The following PBX3 variants were observed in gnomAD, a reference collection of about 807,000 sequenced individuals.
The protein encoded by PBX3 is pre-B-cell leukemia transcription factor 3.
In PBX3, 14 loss-of-function variants were observed where a neutral mutation model predicts 48.5. The observed-to-expected ratio is 0.29, with a 90% CI of 0.19 to 0.45. The LOEUF is 0.45. PBX3 is among the 20% of genes least tolerant of loss of function. The probability of loss-of-function intolerance (pLI) is 1.00; values close to 1 mark genes in which losing one functional copy is unlikely to be tolerated. For synonymous variants in PBX3, 210 were observed against 200.3 expected (o/e 1.05, Z -0.41); for missense variants, 386 against 546.7 (o/e 0.71, Z 2.93).
chr9:125,822,159 A>G (rs1588183311), intron 2 of PBX3, among the ~76,000 whole-genome samples: 1 of 152,158 alleles, frequency 6.6e-6, no homozygotes, highest in East Asian at 1.9e-4. Context: ...CTAAATAAGT[A>G]AAATTAAAAT....
In PBX3 at chr9:125,765,242, C is replaced by T. The variant is rs182793175; in HGVS notation, c.274+16619C>T. Among the ~76,000 whole-genome samples, 19 of 151,686 alleles carry T rather than the reference C, an allele frequency of 1.3e-4. No individual in the cohort carries two copies. The East Asian group carries it at 1.9e-3, about 15-fold the overall frequency. On this transcript the variant is annotated intron_variant, in intron 2 of 8. Coordinates refer to ENST00000373489, the MANE Select transcript of PBX3 (RefSeq NM_006195.6). ...ATGGCTCACTGCAACCTCTGCCTCC[C>T]GGCTCAAGTGATCCTCGCACCTCAG...
At chr9:125,867,721 A>G (rs1253214528) in intron 2 of PBX3, among the ~76,000 whole-genome samples, 1 of 149,974 alleles carries the variant, frequency 6.7e-6, no homozygotes, top group Non-Finnish European at 1.5e-5. Flanking sequence ...AATTATGACA[A>G]TGATGATTGT....
At chr9:125,813,464 A>G (rs950229022) in intron 2 of PBX3, among the ~76,000 whole-genome samples, 1 of 152,228 alleles carries the variant, frequency 6.6e-6, no homozygotes, top group African/African-American at 2.4e-5. Flanking sequence ...AGTAAATGCA[A>G]ACCCCAACTG....
intron 2 of PBX3, among the ~76,000 whole-genome samples, chr9:125,855,135 A>G (rs1164224722): frequency 2.0e-5 from 3 of 152,212 alleles, no homozygotes; most frequent in East Asian, 1.9e-4. Flanking sequence ...GCCATACTGC[A>G]TTATTTGCAG....
intron 2 of PBX3, among the ~76,000 whole-genome samples, chr9:125,889,191 C>T (rs1382291352): frequency 1.3e-5 from 2 of 152,344 alleles, no homozygotes; most frequent in African/African-American, 4.8e-5. Flanking sequence ...TGGGTTCGCC[C>T]ACATCCCCGT....
intron 2 of PBX3, among the ~76,000 whole-genome samples, chr9:125,909,162 G>A (rs1277627709): frequency 6.6e-6 from 1 of 152,116 alleles, no homozygotes; most frequent in African/African-American, 2.4e-5. Context: ...CATCTTGGCT[G>A]CTCTTCACTT....
intron 5 of PBX3, among the ~76,000 whole-genome samples, chr9:125,956,216 T>G (rs943827054): frequency 4.6e-5 from 7 of 152,206 alleles, no homozygotes; most frequent in African/African-American, 1.7e-4. Flanking sequence ...CTAAAATAAC[T>G]AAAACAATCT....
chr9:125,804,964 A>AAAG (rs1252209819), intron 2 of PBX3, among the ~76,000 whole-genome samples: 30 of 150,024 alleles, frequency 2.0e-4, no homozygotes, highest in African/African-American at 5.5e-4. Context: ...AAAAAAAAAA[A>AAAG]AAGAAGAAGA....
intron 2 of PBX3, among the ~76,000 whole-genome samples, chr9:125,789,831 A>C (rs796547234): frequency 2.6e-5 from 4 of 152,170 alleles, no homozygotes; most frequent in African/African-American, 7.2e-5. Flanking sequence ...ATTCTAATGT[A>C]TACTTTCCTA....
chr9:125,932,732 C>T (rs1255603859), intron 4 of PBX3, among the ~76,000 whole-genome samples: 2 of 152,216 alleles, frequency 1.3e-5, no homozygotes, highest in Non-Finnish European at 2.9e-5. Flanking sequence ...TCTGCTGATA[C>T]TTTCCCATTC....
intron 2 of PBX3, among the ~76,000 whole-genome samples, chr9:125,913,439 T>C (rs1398813668): frequency 6.6e-6 from 1 of 152,144 alleles, no homozygotes; most frequent in African/African-American, 2.4e-5. Context: ...AGCTTATGGA[T>C]TGCTTCTTAT....
At position 125,747,513 on chromosome 9, in the gene PBX3, G is replaced by T. The variant is rs774015156; in HGVS notation, c.60G>T (p.Ser20=). The part of the protein sequence containing the change: ...TLAGVNLAGH[S]VQGGMALPPP... ...CCGGGGTGAACCTGGCTGGCCACTCGGTGCAGGGGGGCATGGCCCTGCCGC... is the reference window on the plus strand; with the variant it reads ...CCGGGGTGAACCTGGCTGGCCACTCTGTGCAGGGGGGCATGGCCCTGCCGC... Residue 20 remains serine, a synonymous_variant, in exon 1 of 9, where the codon TCG becomes TCT. Coordinates refer to ENST00000373489, the MANE Select transcript of PBX3 (RefSeq NM_006195.6). 6.3e-7 allele frequency: 1 copy of T among 1,587,924 alleles called. No homozygotes were observed. Among genetic ancestry groups the T allele is most frequent in the South Asian group, 1.1e-5 (1 of 88,654 alleles).
intron 5 of PBX3, among the ~76,000 whole-genome samples, chr9:125,939,223 ATT>A (rs1001757016): frequency 6.6e-5 from 10 of 152,156 alleles, no homozygotes; most frequent in Non-Finnish European, 1.3e-4. Flanking sequence ...GCAACAGAGG[ATT>A]AAAATCCAAA....
At chr9:125,804,777 C>G (rs984772552) in intron 2 of PBX3, among the ~76,000 whole-genome samples, 4 of 151,900 alleles carry the variant, frequency 2.6e-5, no homozygotes, top group African/African-American at 9.7e-5. Context: ...GAAACCCCAT[C>G]TTTACTAAAA....
intron 2 of PBX3, among the ~76,000 whole-genome samples, chr9:125,881,297 A>G (rs1293510410): frequency 6.6e-6 from 1 of 152,238 alleles, no homozygotes; most frequent in Non-Finnish European, 1.5e-5. Flanking sequence ...AGGCAAGGTG[A>G]CAAAAATAGG....
intron 2 of PBX3, among the ~76,000 whole-genome samples, chr9:125,859,904 G>C (rs1236284864): frequency 2.6e-5 from 4 of 152,152 alleles, no homozygotes; most frequent in East Asian, 3.8e-4. Context: ...TTGGCCTATT[G>C]CCTCTCCGGT....
At chr9:125,836,881 A>G (rs1407822801) in intron 2 of PBX3, among the ~76,000 whole-genome samples, 1 of 152,242 alleles carries the variant, frequency 6.6e-6, no homozygotes, top group Non-Finnish European at 1.5e-5. Flanking sequence ...AAAAAGTATG[A>G]TAACAGTGTG....
intron 3 of PBX3, among the ~76,000 whole-genome samples, chr9:125,928,587 T>A (rs907076028): frequency 6.6e-6 from 1 of 151,812 alleles, no homozygotes; most frequent in African/African-American, 2.4e-5. Context: ...TGCCTCAGCC[T>A]CCCGAGTAGC....
chr9:125,869,357 G>A (rs1840062220), intron 2 of PBX3, among the ~76,000 whole-genome samples: 1 of 152,170 alleles, frequency 6.6e-6, no homozygotes, highest in African/African-American at 2.4e-5. Context: ...CAATATTCAA[G>A]TAGATATTTA....
Sources: gnomAD v4.1 joint callset for allele counts (sites outside exome capture counted in the v4.1 genomes callset) on GRCh38, gnomAD v4.1.1 for gene constraint, MANE v1.5 for transcripts, NCBI Gene and HGNC (gene_info 2026-07-23, HGNC 2026-07-21) for gene names.